ZNF804B: variants seen among roughly 807,000 people sequenced by gnomAD.
The protein encoded by ZNF804B is zinc finger 804B.
A neutral mutation model predicts 101.4 loss-of-function variants in ZNF804B; 80 were observed. The observed-to-expected ratio is 0.79, with a 90% CI of 0.66 to 0.95. The LOEUF is 0.95. Among genes scored for constraint, ZNF804B ranks in the 40% least tolerant of loss-of-function variants. The pLI is 0.00. For synonymous variants in ZNF804B, 622 were observed against 558.8 expected, an observed-to-expected ratio of 1.11 and a Z score of -1.59; for missense variants, 1,673 against 1,561.9, an observed-to-expected ratio of 1.07 and a Z score of -1.20.
intron 1 of ZNF804B, among the ~76,000 whole-genome samples, chr7:89,075,239 C>G (rs995333836): frequency 1.3e-5 from 2 of 152,144 alleles, no homozygotes; most frequent in South Asian, 2.1e-4. Context: ...GAAAATGTCT[C>G]TAGGGCATGT....
At position 89,335,942 on chromosome 7, in the gene ZNF804B, G is replaced by A. The variant is rs1584133987; in HGVS notation, c.2960G>A (p.Ser987Asn). The change falls in exon 4 of 4, where the codon AGT becomes AAT. Residue 987 changes from serine (S) to asparagine (N), a missense_variant. Physicochemically the swap from Ser to Asn is conservative, Grantham distance 46. Transcript: ENST00000333190. Reference protein sequence around the residue: ...LPLSEKIQYASESRNDQDSAI... With the variant: ...LPLSEKIQYANESRNDQDSAI... ...TTGTCTGAAAAAATACAGTATGCAA[G>A]TGAGAGCAGAAATGATCAAGACAGT... 6.2e-7 allele frequency: 1 copy of A among 1,614,080 alleles called. No individual in the cohort carries two copies. Among genetic ancestry groups the A allele is most frequent in the Non-Finnish European group, 8.5e-7 (1 of 1,179,982 alleles).
intron 1 of ZNF804B, among the ~76,000 whole-genome samples, chr7:88,835,926 A>G (rs776161283): frequency 3.6e-4 from 55 of 152,062 alleles, no homozygotes; most frequent in Admixed American, 4.6e-4. Flanking sequence ...TAGCTAGTCT[A>G]TGGGAAAGAG....
intron 1 of ZNF804B, among the ~76,000 whole-genome samples, chr7:88,900,863 A>T (rs955353019): frequency 6.6e-6 from 1 of 151,658 alleles, no homozygotes; most frequent in Non-Finnish European, 1.5e-5. Context: ...CATTATACAG[A>T]ATTGCTCTGC....
At chr7:89,074,559 C>T (rs2116302851) in intron 1 of ZNF804B, among the ~76,000 whole-genome samples, 1 of 152,294 alleles carries the variant, frequency 6.6e-6, no homozygotes, top group East Asian at 1.9e-4. Context: ...GTGAGGCCTC[C>T]CATGCCATGT....
At chr7:89,126,864 C>T (rs1436995157) in intron 1 of ZNF804B, among the ~76,000 whole-genome samples, 1 of 151,908 alleles carries the variant, frequency 6.6e-6, no homozygotes, top group Non-Finnish European at 1.5e-5. Flanking sequence ...ATAAATAGAT[C>T]TCACACAGAT....
In ZNF804B at chr7:88,946,907, G is replaced by A. The variant is rs189807545; in HGVS notation, c.108+186823G>A. ...ACATTTATGTGGCCAATAAACATAC[G>A]AAAAAAAAGCTCATCATCACTTGTC... On this transcript the variant is annotated intron_variant, in intron 1 of 3. Transcript: ENST00000333190. 1.5e-3 allele frequency among the ~76,000 whole-genome samples: 225 copies of A among 151,488 alleles called. 1 individual carries two copies. The highest frequency in any genetic ancestry group is 5.3e-3 in the African/African-American group (219 of 41,366).
chr7:88,920,719 T>C (rs1293113041), intron 1 of ZNF804B, among the ~76,000 whole-genome samples: 1 of 152,048 alleles, frequency 6.6e-6, no homozygotes, highest in Non-Finnish European at 1.5e-5. Flanking sequence ...GATTTAAATA[T>C]ATAGAACATT....
intron 2 of ZNF804B, among the ~76,000 whole-genome samples, chr7:89,327,015 A>G (rs1338191671): frequency 2.0e-5 from 3 of 151,838 alleles, no homozygotes; most frequent in Non-Finnish European, 1.5e-5. Flanking sequence ...CTCCCTTCAT[A>G]CTCATTCATA....
At chr7:89,280,739 T>G (rs1001450353) in intron 2 of ZNF804B, among the ~76,000 whole-genome samples, 3 of 152,258 alleles carry the variant, frequency 2.0e-5, no homozygotes, top group Non-Finnish European at 2.9e-5. Flanking sequence ...CCAATAACAG[T>G]AGCTGAAATT....
intron 1 of ZNF804B, among the ~76,000 whole-genome samples, chr7:89,073,798 T>A (rs950090327): frequency 1.3e-5 from 2 of 152,186 alleles, no homozygotes; most frequent in Non-Finnish European, 2.9e-5. Context: ...GTCATTTAAT[T>A]GTAATTAAAA....
At chr7:89,115,077 C>T (rs556728910) in intron 1 of ZNF804B, among the ~76,000 whole-genome samples, 23 of 152,024 alleles carry the variant, frequency 1.5e-4, no homozygotes, top group African/African-American at 5.6e-4. Flanking sequence ...TTAACAGGGC[C>T]CTAACTCCCT....
chr7:89,221,691 TTTCTATTCTA>T (rs61397319), intron 2 of ZNF804B, among the ~76,000 whole-genome samples: 17,657 of 142,518 alleles, frequency 0.12, 1,190 homozygotes, highest in Admixed American at 0.17. Context: ...TTCCTCAATA[TTTCTATTCTA>T]TTCTATTCTA....
Position 88,870,400 on chromosome 7 carries a change from A to AAAAAAAAAG in ZNF804B, c.108+110323_108+110324insAGAAAAAAA, listed in dbSNP as rs781332488. Among the ~76,000 whole-genome samples the AAAAAAAAAG allele has an allele frequency of 6.1e-3, 680 of 111,382 alleles. 3 individuals are homozygous for AAAAAAAAAG. Among genetic ancestry groups the AAAAAAAAAG allele is most frequent in the African/African-American group, 7.8e-3 (197 of 25,152 alleles). 73.1% of individuals were successfully genotyped at this position (111,382 alleles called of 152,430 possible). A position where few individuals can be genotyped will look rare whatever the true frequency, so the allele number is the denominator to read the frequency against. On this transcript the variant is annotated intron_variant, in intron 1 of 3. Coordinates refer to ENST00000333190, the MANE Select transcript of ZNF804B (RefSeq NM_181646.5). ...ACTCCGTCTCAAAAAAAAAAAAAAAAAAAAAAAGGTGGGTGATTGGAAAAC... is the reference window on the plus strand; with the variant it reads ...ACTCCGTCTCAAAAAAAAAAAAAAAAAAAAAAAAGAAAAAAAGGTGGGTGATTGGAAAAC...
chr7:88,939,467 T>C (rs1793025242), intron 1 of ZNF804B, among the ~76,000 whole-genome samples: 1 of 151,848 alleles, frequency 6.6e-6, no homozygotes, highest in African/African-American at 2.4e-5. Flanking sequence ...TTTAGTTTAG[T>C]TTGTTAAATC....
rs1162725576 is a variant in ZNF804B at position 88,926,941 on chromosome 7, A to AGTG, written c.108+166858_108+166859insTGG. Among the ~76,000 whole-genome samples, 52 of 84,484 alleles carry AGTG rather than the reference A, an allele frequency of 6.2e-4. 1 individual carries two copies. The highest frequency in any genetic ancestry group is 2.2e-3 in the African/African-American group (49 of 22,474). 55.4% of individuals were successfully genotyped at this position (84,484 alleles called of 152,430 possible). A position where few individuals can be genotyped will look rare whatever the true frequency, so the allele number is the denominator to read the frequency against. On this transcript the variant is annotated intron_variant, in intron 1 of 3. Coordinates refer to ENST00000333190, the MANE Select transcript of ZNF804B (RefSeq NM_181646.5). ...CTTAGATGTCTGCCGGGTGGTGGGG[A>AGTG]GCGGGGGGAAAGCTGTTCTGTAGTT... is the stretch of plus-strand genomic sequence containing the variant.
chr7:89,154,398 A>T (rs1260494882), intron 1 of ZNF804B, among the ~76,000 whole-genome samples: 2 of 152,170 alleles, frequency 1.3e-5, no homozygotes, highest in African/African-American at 4.8e-5. Flanking sequence ...TATATCAGAG[A>T]GATATCTGTA....
At chr7:88,880,369 T>C (rs1175342022) in intron 1 of ZNF804B, among the ~76,000 whole-genome samples, 1 of 152,122 alleles carries the variant, frequency 6.6e-6, no homozygotes, top group African/African-American at 2.4e-5. Context: ...AGATGACAAG[T>C]TGAAAACAGA....
intron 1 of ZNF804B, among the ~76,000 whole-genome samples, chr7:89,095,450 T>C (rs1395520202): frequency 6.6e-6 from 1 of 152,208 alleles, no homozygotes; most frequent in East Asian, 1.9e-4. Context: ...TTTATGTAAC[T>C]GTGCAAGAGA....
chr7:88,791,542 A>G (rs1790380885), intron 1 of ZNF804B, among the ~76,000 whole-genome samples: 1 of 152,060 alleles, frequency 6.6e-6, no homozygotes, highest in African/African-American at 2.4e-5. Context: ...GGCTTAGTGA[A>G]TTAGGTTTCT....
Sources: gnomAD v4.1 joint callset for allele counts (sites outside exome capture counted in the v4.1 genomes callset) on GRCh38, gnomAD v4.1.1 for gene constraint, MANE v1.5 for transcripts, NCBI Gene and HGNC (gene_info 2026-07-23, HGNC 2026-07-21) for gene names.